The following SLC25A48 variants were observed in gnomAD, a reference collection of about 807,000 sequenced individuals.
SLC25A48 encodes the protein CTC-321K16.1.
In SLC25A48, 29 loss-of-function variants were observed where a neutral mutation model predicts 32.2. The ratio of observed to expected loss-of-function variants is 0.90; its 90% CI spans 0.67 to 1.23. The LOEUF is 1.23. Among genes scored for constraint, SLC25A48 ranks in the 50% most tolerant of loss-of-function variants. The pLI, the probability that SLC25A48 is intolerant of heterozygous loss-of-function variation, is 0.00. For synonymous variants in SLC25A48, 164 were observed against 172.3 expected (o/e 0.95, Z 0.38); for missense variants, 399 against 422.7 (o/e 0.94, Z 0.49).
At chr5:135,661,584 G>A (rs1753398350) in intron 3 of SLC25A48, among the ~76,000 whole-genome samples, 1 of 152,136 alleles carries the variant, frequency 6.6e-6, no homozygotes, top group Non-Finnish European at 1.5e-5. Flanking sequence ...ACTGTATAAA[G>A]CTAAAAGCCT....
chr5:135,637,398 G>A (rs1337833991), intron 3 of SLC25A48, among the ~76,000 whole-genome samples: 1 of 152,066 alleles, frequency 6.6e-6, no homozygotes, highest in Non-Finnish European at 1.5e-5. Context: ...GGAAAGGAAA[G>A]TTCGAGCAAG....
At chr5:135,843,115 A>T (rs1187321826) in intron 2 of SLC25A48, among the ~76,000 whole-genome samples, 2 of 152,168 alleles carry the variant, frequency 1.3e-5, no homozygotes, top group Non-Finnish European at 2.9e-5. Context: ...CACCCTCTTG[A>T]TGGGAAGATC....
At chr5:135,623,936 T>C (rs1013957867) in intron 1 of SLC25A48, among the ~76,000 whole-genome samples, 2 of 152,144 alleles carry the variant, frequency 1.3e-5, no homozygotes, top group African/African-American at 4.8e-5. Flanking sequence ...ATGGCAAGGC[T>C]CTCCAGCCTC....
intron 3 of SLC25A48, among the ~76,000 whole-genome samples, chr5:135,759,806 AT>A: frequency 1.3e-5 from 2 of 149,312 alleles, no homozygotes; most frequent in African/African-American, 4.9e-5. Flanking sequence ...GAGCGTGTGT[AT>A]TTTTTACTTG....
intron 1 of SLC25A48, among the ~76,000 whole-genome samples, chr5:135,605,142 GCTAT>G (rs1273799739): frequency 1.3e-5 from 2 of 152,182 alleles, no homozygotes; most frequent in African/African-American, 2.4e-5. Context: ...TGTAATAATG[GCTAT>G]CTATGTTATG....
chr5:135,613,552 A>G (rs1580723850), intron 1 of SLC25A48, among the ~76,000 whole-genome samples: 1 of 152,146 alleles, frequency 6.6e-6, no homozygotes, highest in Non-Finnish European at 1.5e-5. Flanking sequence ...GTGGTATTAT[A>G]GTTTCAGGTC....
intron 4 of SLC25A48, among the ~76,000 whole-genome samples, chr5:135,828,992 G>A (rs896977986): frequency 1.3e-5 from 2 of 152,152 alleles, no homozygotes; most frequent in African/African-American, 4.8e-5. Flanking sequence ...GCTCCTTCCC[G>A]AGACTTCTGG....
intron 3 of SLC25A48, among the ~76,000 whole-genome samples, chr5:135,724,354 C>T (rs1206282055): frequency 6.6e-6 from 1 of 152,240 alleles, no homozygotes; most frequent in Non-Finnish European, 1.5e-5. Flanking sequence ...CAGAGGCTGC[C>T]TGCCTCATCT....
intron 3 of SLC25A48, among the ~76,000 whole-genome samples, chr5:135,653,521 G>T (rs1017001452): frequency 2.0e-5 from 3 of 152,184 alleles, no homozygotes; most frequent in African/African-American, 7.2e-5. Flanking sequence ...ACTAAGCATG[G>T]GGAAGCACAG....
chr5:135,733,374 G>A (rs1374214732), intron 3 of SLC25A48, among the ~76,000 whole-genome samples: 1 of 152,214 alleles, frequency 6.6e-6, no homozygotes, highest in East Asian at 1.9e-4. Context: ...TGGGGGTCAG[G>A]TGTGGTATCT....
chr5:135,675,376 G>A (rs1474536930), intron 3 of SLC25A48, among the ~76,000 whole-genome samples: 1 of 151,782 alleles, frequency 6.6e-6, no homozygotes, highest in Non-Finnish European at 1.5e-5. Context: ...TGTTTTTGTT[G>A]CCTATGCTTT....
At chr5:135,854,782 C>G (rs1760170326) in intron 4 of SLC25A48, among the ~76,000 whole-genome samples, 1 of 152,228 alleles carries the variant, frequency 6.6e-6, no homozygotes, top group Non-Finnish European at 1.5e-5. Context: ...CATTCACAAC[C>G]TGGCTAACTC....
intron 1 of SLC25A48, among the ~76,000 whole-genome samples, chr5:135,618,958 A>C (rs570414941): frequency 3.3e-5 from 5 of 151,820 alleles, no homozygotes; most frequent in African/African-American, 1.2e-4. Flanking sequence ...TTTCACTAAA[A>C]TATGCCATGG....
chr5:135,595,026 G>A (rs900359851), intron 1 of SLC25A48, among the ~76,000 whole-genome samples: 18 of 152,146 alleles, frequency 1.2e-4, no homozygotes, highest in African/African-American at 3.9e-4. Flanking sequence ...CAGCCTCATC[G>A]ATCTGAGGCT....
chr5:135,834,292 C>G (rs1449332691), upstream of SLC25A48, among the ~76,000 whole-genome samples: 1 of 152,216 alleles, frequency 6.6e-6, no homozygotes, highest in Non-Finnish European at 1.5e-5. Flanking sequence ...CCTGAACCAC[C>G]AGGTGCCTGC....
chr5:135,808,883 A>G (rs1757529999), intron 3 of SLC25A48, among the ~76,000 whole-genome samples: 1 of 152,158 alleles, frequency 6.6e-6, no homozygotes, highest in Non-Finnish European at 1.5e-5. Flanking sequence ...GAGTTAGATT[A>G]ATCTCTTTCC....
chr5:135,688,404 G>C (rs1430390397), intron 3 of SLC25A48, among the ~76,000 whole-genome samples: 1 of 152,090 alleles, frequency 6.6e-6, no homozygotes, highest in East Asian at 1.9e-4. Context: ...TCCTGTAAGA[G>C]ATTTTGACTT....
chr5:135,843,911 G>A (rs1430472450), intron 2 of SLC25A48, among the ~76,000 whole-genome samples: 2 of 152,160 alleles, frequency 1.3e-5, no homozygotes, highest in Admixed American at 6.5e-5. Context: ...TGCACACCCA[G>A]GCCCTGGGTC....
chr5:135,699,122 C>T (rs1360710784), intron 3 of SLC25A48, among the ~76,000 whole-genome samples: 7 of 152,116 alleles, frequency 4.6e-5, no homozygotes, highest in East Asian at 3.8e-4. Context: ...CTTTGGAAAA[C>T]GGTTTGGCAG....
Sources: allele counts gnomAD v4.1 joint callset (sites outside exome capture counted in the v4.1 genomes callset), GRCh38; gene constraint gnomAD v4.1.1; transcripts MANE v1.5; gene names NCBI Gene and HGNC (gene_info 2026-07-23, HGNC 2026-07-21).